Variants in ACYP2 observed in about 807,000 individuals in gnomAD.
ACYP2 encodes the protein acylphosphatase 2.
A neutral mutation model predicts 11.2 loss-of-function variants in ACYP2; 12 were observed. The ratio of observed to expected loss-of-function variants is 1.08; its 90% CI spans 0.69 to 1.74. The LOEUF is 1.74. Among genes scored for constraint, ACYP2 ranks in the 40% most tolerant of loss-of-function variants. The probability of loss-of-function intolerance (pLI) is 0.00; values close to 1 mark genes in which losing one functional copy is unlikely to be tolerated. For missense variants in ACYP2, 134 were observed against 101.9 expected (o/e 1.31, Z -1.35); for synonymous variants, 43 against 32.2 (o/e 1.33, Z -1.13).
At chr2:54,299,254 C>A (rs777199108) in intron 6 of ACYP2, among the ~76,000 whole-genome samples, 5 of 152,098 alleles carry the variant, frequency 3.3e-5, no homozygotes, top group African/African-American at 1.2e-4. Flanking sequence ...AAAAAGATAT[C>A]AAGATACCAA....
At chr2:54,267,142 G>A (rs1041423958) in intron 6 of ACYP2, among the ~76,000 whole-genome samples, 3 of 152,102 alleles carry the variant, frequency 2.0e-5, no homozygotes, top group African/African-American at 7.2e-5. Context: ...TTTCTGTATT[G>A]TTGAGTTGTT....
chr2:54,128,427 G>C (rs1013271169), intron 4 of ACYP2, among the ~76,000 whole-genome samples: 1 of 151,988 alleles, frequency 6.6e-6, no homozygotes, highest in Non-Finnish European at 1.5e-5. Flanking sequence ...CAGTGCTTTG[G>C]GAGGCTGAGG....
Position 54,204,823 on chromosome 2 carries a change from G to A in ACYP2, c.404+66075G>A, listed in dbSNP as rs1032977943. Among the ~76,000 whole-genome samples the A allele has an allele frequency of 2.6e-5, 4 of 152,132 alleles. No homozygotes were observed. The South Asian group carries it at 8.3e-4, about 32-fold the overall frequency. On this transcript the variant is annotated intron_variant, in intron 6 of 6. Coordinates refer to ENST00000607452, the MANE Select transcript of ACYP2 (RefSeq NM_001320586.2). ...CCTCCTGAATCTGTCCTGTATGCCTGTTATATTTTCACCACTGATTGACAT... is the reference window on the plus strand; with the variant it reads ...CCTCCTGAATCTGTCCTGTATGCCTATTATATTTTCACCACTGATTGACAT...
At position 54,279,585 on chromosome 2, in the gene ACYP2, C is replaced by CAGAGCTGCAGTCTCA. The variant is rs67696805; in HGVS notation, c.405-25088_405-25074dup. ...TCCCAGAACCCCCAGTGGCAGGATC[C>CAGAGCTGCAGTCTCA]AGAGCTGCAGTCTCAAGAGCTGCAG... On this transcript the variant is annotated intron_variant, in intron 6 of 6. Coordinates refer to ENST00000607452, the MANE Select transcript of ACYP2 (RefSeq NM_001320586.2). Among the ~76,000 whole-genome samples the CAGAGCTGCAGTCTCA allele has an allele frequency of 7.0e-3, 1,059 of 151,862 alleles. 12 individuals are homozygous for CAGAGCTGCAGTCTCA. The highest frequency in any genetic ancestry group is 0.024 in the African/African-American group (1,008 of 41,390).
At chr2:54,089,324 C>T (rs1286729235) in intron 4 of ACYP2, among the ~76,000 whole-genome samples, 3 of 152,052 alleles carry the variant, frequency 2.0e-5, no homozygotes, top group Non-Finnish European at 4.4e-5. Flanking sequence ...AGGCTTAGTG[C>T]CTCATGCCTG....
At chr2:54,193,247 C>T (rs970330473) in intron 6 of ACYP2, among the ~76,000 whole-genome samples, 1 of 152,254 alleles carries the variant, frequency 6.6e-6, no homozygotes, top group Middle Eastern at 3.4e-3. Context: ...GTTCTAATAA[C>T]AGAAGAAGAA....
At chr2:54,098,547 C>T (rs1219388405) in intron 4 of ACYP2, among the ~76,000 whole-genome samples, 1 of 152,152 alleles carries the variant, frequency 6.6e-6, no homozygotes, top group Non-Finnish European at 1.5e-5. Context: ...CTTCTTTGAA[C>T]AGTTTCTGCT....
intron 2 of ACYP2, among the ~76,000 whole-genome samples, chr2:54,026,795 G>A (rs958074025): frequency 2.6e-5 from 4 of 152,040 alleles, no homozygotes; most frequent in Admixed American, 6.6e-5. Context: ...TTTAAATTAA[G>A]TAGGTCAGGA....
intron 6 of ACYP2, among the ~76,000 whole-genome samples, chr2:54,158,169 G>A (rs1316660367): frequency 6.7e-6 from 1 of 150,162 alleles, no homozygotes; most frequent in Non-Finnish European, 1.5e-5. Context: ...GGAATTACAG[G>A]CACCCACCAC....
At chr2:54,014,508 A>G (rs1359706130) in intron 2 of ACYP2, among the ~76,000 whole-genome samples, 1 of 151,926 alleles carries the variant, frequency 6.6e-6, no homozygotes, top group African/African-American at 2.4e-5. Flanking sequence ...TTTAGTAGAG[A>G]CAGGGTTTCA....
chr2:54,022,296 T>G (rs11694388), intron 2 of ACYP2, among the ~76,000 whole-genome samples: 12 of 152,122 alleles, frequency 7.9e-5, no homozygotes, highest in Non-Finnish European at 1.6e-4. Flanking sequence ...CAAAATATGG[T>G]GACCTGTTGT....
At chr2:54,229,306 A>G (rs1275155022) in intron 6 of ACYP2, among the ~76,000 whole-genome samples, 1 of 152,204 alleles carries the variant, frequency 6.6e-6, no homozygotes, top group Non-Finnish European at 1.5e-5. Flanking sequence ...ACCCTTTCAC[A>G]TATTTTATGG....
At chr2:54,227,509 G>A (rs1326070926) in intron 6 of ACYP2, among the ~76,000 whole-genome samples, 4 of 151,912 alleles carry the variant, frequency 2.6e-5, no homozygotes, top group South Asian at 2.1e-4. Context: ...TCATGGTGGC[G>A]CGTGCCTGTA....
chr2:54,026,838 G>A (rs759038347), intron 2 of ACYP2, among the ~76,000 whole-genome samples: 13 of 149,252 alleles, frequency 8.7e-5, no homozygotes, highest in Non-Finnish European at 1.9e-4. Flanking sequence ...TTCTCACTTA[G>A]AAATGGGAGC....
chr2:54,302,502 C>T (rs1558680140), intron 6 of ACYP2, among the ~76,000 whole-genome samples: 1 of 152,154 alleles, frequency 6.6e-6, no homozygotes, highest in Non-Finnish European at 1.5e-5. Context: ...CCCCAAAGTA[C>T]AGTCATTGGA....
At chr2:54,128,499 C>T (rs369063554) in intron 4 of ACYP2, among the ~76,000 whole-genome samples, 64 of 152,166 alleles carry the variant, frequency 4.2e-4, no homozygotes, top group African/African-American at 1.5e-3. Context: ...CAGACTCCAT[C>T]TCTACAAAAA....
intron 4 of ACYP2, among the ~76,000 whole-genome samples, chr2:54,073,004 T>G (rs1338440885): frequency 1.3e-5 from 2 of 152,210 alleles, no homozygotes; most frequent in Non-Finnish European, 2.9e-5. Flanking sequence ...AAAGGTACAT[T>G]AATCAAGTGA....
intron 6 of ACYP2, chr2:54,254,568 G>C (rs1687392935): frequency 4.3e-6 from 1 of 232,386 alleles, no homozygotes. Context: ...CTTAGACACA[G>C]CTAGAAATCC....
rs148934342 is a variant in ACYP2, at chr2:54,143,962, T to C, written c.404+5214T>C. ...CTTTAACCACCTTTTCAATCTACCC[T>C]GTGGTAACTGGTATGTTTGTTTTTT... On this transcript the variant is annotated intron_variant, in intron 6 of 6. Coordinates refer to ENST00000607452, the MANE Select transcript of ACYP2 (RefSeq NM_001320586.2). Among the ~76,000 whole-genome samples, 1,040 of 152,176 alleles carry C rather than the reference T, an allele frequency of 6.8e-3. 20 individuals carry two copies. Among genetic ancestry groups the C allele is most frequent in the African/African-American group, 0.023 (956 of 41,518 alleles).
Sources: gnomAD v4.1 joint callset for allele counts (sites outside exome capture counted in the v4.1 genomes callset) on GRCh38, gnomAD v4.1.1 for gene constraint, MANE v1.5 for transcripts, NCBI Gene and HGNC (gene_info 2026-07-23, HGNC 2026-07-21) for gene names.